CDH4: variants seen among roughly 807,000 people sequenced by gnomAD.
CDH4 encodes cadherin 4, also known as cadherin-4.
A neutral mutation model predicts 86.0 loss-of-function variants in CDH4; 33 were observed. The ratio of observed to expected loss-of-function variants is 0.38; its 90% CI spans 0.29 to 0.51. The LOEUF (loss-of-function observed/expected upper bound fraction) is 0.51. CDH4 is among the 20% of genes least tolerant of loss of function. The pLI, the probability that CDH4 is intolerant of heterozygous loss-of-function variation, is 0.86. For missense variants in CDH4, 1,114 were observed against 1,307.4 expected (o/e 0.85, Z 2.28); for synonymous variants, 555 against 549.4 (o/e 1.01, Z -0.14).
chr20:61,343,483 C>T (rs7261942), intron 2 of CDH4, among the ~76,000 whole-genome samples: 2 of 152,054 alleles, frequency 1.3e-5, no homozygotes, highest in Non-Finnish European at 2.9e-5. Flanking sequence ...GGAGCCCAGG[C>T]GGCTCTCAAG....
At chr20:61,808,186 G>C (rs899220788) in intron 4 of CDH4, among the ~76,000 whole-genome samples, 4 of 152,094 alleles carry the variant, frequency 2.6e-5, no homozygotes, top group Admixed American at 6.5e-5. Context: ...GGCAGGAACA[G>C]AGCTGCAAGC....
intron 2 of CDH4, among the ~76,000 whole-genome samples, chr20:61,347,723 C>G (rs759391379): frequency 6.6e-6 from 1 of 152,160 alleles, no homozygotes; most frequent in Non-Finnish European, 1.5e-5. Context: ...CTGGTGTTTG[C>G]GAAGCGCCAA....
At chr20:61,772,918 A>C in intron 3 of CDH4, 85 bp from the exon 4 acceptor site, 1 of 1,264,320 alleles carries the variant, frequency 7.9e-7, no homozygotes, top group Admixed American at 2.1e-5. Flanking sequence ...CTCGGGCAGT[A>C]CAGATCATCT....
At chr20:61,805,005 G>A (rs1037658352) in intron 4 of CDH4, among the ~76,000 whole-genome samples, 2 of 152,164 alleles carry the variant, frequency 1.3e-5, no homozygotes, top group Admixed American at 1.3e-4. Flanking sequence ...CATTAGCCCC[G>A]GTCTCCACAG....
rs1358451581 is a variant in CDH4, at chr20:61,920,190, G to A, written c.1375-3261G>A. On this transcript the variant is annotated intron_variant, in intron 9 of 15. Transcript: ENST00000614565. ...GGCGTCACAGTGACTGCGTGGAAGC[G>A]TGGTGTCATGGTGACTGCGTGGAAG... Among the ~76,000 whole-genome samples, 23 of 147,982 alleles carry A rather than the reference G, an allele frequency of 1.6e-4. 1 individual carries two copies. The South Asian group carries it at 3.2e-3, about 21-fold the overall frequency.
rs2084994164 is a variant in CDH4, at chr20:61,392,847, A to C, written c.169+137910A>C. ...ATGTCAGATGCATTCGTCTTCCATTAGCCCCTCCACCATCCCCTGTGTCAC... is the reference window on the plus strand; with the variant it reads ...ATGTCAGATGCATTCGTCTTCCATTCGCCCCTCCACCATCCCCTGTGTCAC... On this transcript the variant is annotated intron_variant, in intron 2 of 15. Coordinates refer to ENST00000614565, the MANE Select transcript of CDH4 (RefSeq NM_001794.5). This position sits in a 1 kb window ranked among gnomAD's most constrained non-coding sequence, Gnocchi z 5.7. 1.3e-5 allele frequency among the ~76,000 whole-genome samples: 2 copies of C among 152,136 alleles called. No homozygotes were observed. The highest frequency in any genetic ancestry group is 2.9e-5 in the Non-Finnish European group (2 of 68,022).
intron 2 of CDH4, among the ~76,000 whole-genome samples, chr20:61,662,677 A>G (rs1197922042): frequency 6.6e-6 from 1 of 152,200 alleles, no homozygotes; most frequent in Admixed American, 6.5e-5. Flanking sequence ...AGGAACGGAC[A>G]GTGTCTGAGG....
chr20:61,570,395 G>A, intron 2 of CDH4: 1 of 420,134 alleles, frequency 2.4e-6, no homozygotes, highest in South Asian at 3.8e-5. Flanking sequence ...GACCAGACGG[G>A]CCTGGCTGCA....
At chr20:61,436,645 A>C (rs1216197891) in intron 2 of CDH4, 1 of 152,300 alleles carries the variant, frequency 6.6e-6, no homozygotes, top group Non-Finnish European at 1.5e-5. Context: ...TTCAGTGTCC[A>C]GGATTTTTAT....
intron 5 of CDH4, among the ~76,000 whole-genome samples, chr20:61,850,947 C>T (rs894195474): frequency 1.3e-5 from 2 of 152,272 alleles, no homozygotes; most frequent in African/African-American, 2.4e-5. Flanking sequence ...CCCGCTGCTA[C>T]AGATAGCGCC....
chr20:61,671,804 G>A (rs2087391426), intron 2 of CDH4, among the ~76,000 whole-genome samples: 1 of 150,972 alleles, frequency 6.6e-6, no homozygotes, highest in South Asian at 2.1e-4. Flanking sequence ...GATAGATGAT[G>A]GATGGGTAGG....
chr20:61,288,762 C>T (rs945492836), intron 2 of CDH4, among the ~76,000 whole-genome samples: 1 of 152,244 alleles, frequency 6.6e-6, no homozygotes, highest in Non-Finnish European at 1.5e-5. Context: ...CCGGCGCTGA[C>T]GTTGCCGGCT....
At chr20:61,821,917 G>A (rs1168949520) in intron 4 of CDH4, among the ~76,000 whole-genome samples, 1 of 152,254 alleles carries the variant, frequency 6.6e-6, no homozygotes, top group Non-Finnish European at 1.5e-5. Flanking sequence ...TTCAGGGCAG[G>A]CTCTGCCCCG....
At chr20:61,699,540 A>G (rs1297193759) in intron 2 of CDH4, among the ~76,000 whole-genome samples, 1 of 151,916 alleles carries the variant, frequency 6.6e-6, no homozygotes, top group Non-Finnish European at 1.5e-5. Flanking sequence ...GTTGTTGTCC[A>G]CTCGAGAAAG....
In CDH4 at chr20:61,879,278, G is replaced by A. The variant is rs1364804318; in HGVS notation, c.1050+5378G>A. ...GGCGTATCAGAGAAGAGCACACATCGGGACCATTTCTCCACCAGCCCAGCT... is the reference window on the plus strand; with the variant it reads ...GGCGTATCAGAGAAGAGCACACATCAGGACCATTTCTCCACCAGCCCAGCT... On this transcript the variant is annotated intron_variant, in intron 7 of 15. Transcript: ENST00000614565. The surrounding 1 kb of genome is among the most constrained non-coding windows in gnomAD (Gnocchi z 4.1). 2.0e-5 allele frequency among the ~76,000 whole-genome samples: 3 copies of A among 152,152 alleles called. No individual in the cohort carries two copies. Among genetic ancestry groups the A allele is most frequent in the East Asian group, 1.9e-4 (1 of 5,168 alleles).
At chr20:61,800,251 G>A (rs1213017304) in intron 4 of CDH4, among the ~76,000 whole-genome samples, 6 of 152,198 alleles carry the variant, frequency 3.9e-5, no homozygotes, top group Non-Finnish European at 8.8e-5. Flanking sequence ...GTGCACACAC[G>A]GTGCTTCTGG....
chr20:61,721,565 A>G (rs1232685314), intron 2 of CDH4, among the ~76,000 whole-genome samples: 1 of 152,224 alleles, frequency 6.6e-6, no homozygotes, highest in Admixed American at 6.5e-5. Context: ...CTGCTATCTT[A>G]AAAAACAATT....
intron 2 of CDH4, among the ~76,000 whole-genome samples, chr20:61,258,220 C>A (rs979739515): frequency 6.8e-6 from 1 of 146,680 alleles, no homozygotes; most frequent in Non-Finnish European, 1.5e-5. Flanking sequence ...GTCCCAGCTA[C>A]GTGAGAGGCT....
At chr20:61,547,359 C>A (rs889742834) in intron 2 of CDH4, among the ~76,000 whole-genome samples, 1 of 151,828 alleles carries the variant, frequency 6.6e-6, no homozygotes, top group South Asian at 2.1e-4. Flanking sequence ...ACTACAGGCA[C>A]CTGCCACTGC....
Sources: gnomAD v4.1 joint callset for allele counts (sites outside exome capture counted in the v4.1 genomes callset) on GRCh38, gnomAD v4.1.1 for gene constraint, Gnocchi (gnomAD v3.1) non-coding constraint, MANE v1.5 for transcripts, NCBI Gene and HGNC (gene_info 2026-07-23, HGNC 2026-07-21) for gene names.